CA12: variants seen among roughly 807,000 people sequenced by gnomAD.
CA12 encodes carbonic anhydrase 12, also known as carbonate dehydratase XII.
Under a neutral mutation model 46.8 loss-of-function variants are expected in CA12, and 36 were observed. The ratio of observed to expected loss-of-function variants is 0.77; its 90% CI spans 0.59 to 1.02. The LOEUF is 1.02. Among genes scored for constraint, CA12 ranks in the 50% least tolerant of loss-of-function variants. The probability of loss-of-function intolerance (pLI) is 0.00; values close to 1 mark genes in which losing one functional copy is unlikely to be tolerated. For synonymous variants in CA12, 202 were observed against 187.0 expected (o/e 1.08, Z -0.65); for missense variants, 436 against 451.4 (o/e 0.97, Z 0.31).
intron 2 of CA12, among the ~76,000 whole-genome samples, chr15:63,362,815 T>C (rs1487275699): frequency 6.6e-6 from 1 of 152,236 alleles, no homozygotes; most frequent in East Asian, 1.9e-4. Context: ...TCTTTTGCTT[T>C]TTCATAGTTC....
rs2039038989 is a variant in CA12, at chr15:63,338,890, C to A, written c.803G>T (p.Arg268Ile). 1 of 1,614,162 alleles carries A rather than the reference C, an allele frequency of 6.2e-7. No individual in the cohort carries two copies. Among genetic ancestry groups the A allele is most frequent in the Non-Finnish European group, 8.5e-7 (1 of 1,180,026 alleles). ...YCTHMDDPSP[R>I]EMINNFRQVQ... ...CTGCCGGAAGTTGTTGATCATTTCT[C>A]TGGGGGAAGGGTCGTCCATGTGTGT... Residue 268 changes from arginine to isoleucine, a missense_variant, in exon 8 of 11, where the codon AGA becomes ATA. By Grantham distance (97) the Arg-to-Ile change is moderately conservative. Transcript: ENST00000178638.
rs758539327 is a variant in CA12 at position 63,345,431 on chromosome 15, C to A, written c.429+46G>T. The stretch of plus-strand genomic sequence containing the variant: ...GCAGCCAGGTCGAGAAGGTGCCACA[C>A]CACCCACTGCAGAGCAGCCTCTGCC... On this transcript the variant is annotated intron_variant, in intron 4 of 10. Coordinates refer to ENST00000178638, the MANE Select transcript of CA12 (RefSeq NM_001218.5). This position sits in a 1 kb window ranked among gnomAD's most constrained non-coding sequence, Gnocchi z 4.3. 1 of 1,599,784 alleles carries A rather than the reference C, an allele frequency of 6.3e-7. No individual in the cohort carries two copies. Among genetic ancestry groups the A allele is most frequent in the South Asian group, 1.1e-5 (1 of 90,868 alleles).
At position 63,355,509 on chromosome 15, in the gene CA12, T is replaced by C. The variant is rs1000415306; in HGVS notation, c.107-8800A>G. ...TGGGGGTGGCGCCCAGCATCTGCCG[T>C]TGGACAAGGCTGCCAGGCGATGCTG... On this transcript the variant is annotated intron_variant, in intron 2 of 10. Transcript: ENST00000178638. This position sits in a 1 kb window ranked among gnomAD's most constrained non-coding sequence, Gnocchi z 4.1. Among the ~76,000 whole-genome samples the C allele has an allele frequency of 2.6e-5, 4 of 152,186 alleles. No homozygotes were observed. Among genetic ancestry groups the C allele is most frequent in the African/African-American group, 7.2e-5 (3 of 41,440 alleles).
Position 63,329,581 on chromosome 15 carries a change from G to A in CA12, c.875-1451C>T, listed in dbSNP as rs778973533. 6.6e-6 allele frequency among the ~76,000 whole-genome samples: 1 copy of A among 152,204 alleles called. No homozygotes were observed. The highest frequency in any genetic ancestry group is 1.5e-5 in the Non-Finnish European group (1 of 68,046). ...TCATCTCAATGGAAACTTCTAGCAT[G>A]TGTGTGTGTCTTGGAGGAAGAAGGG... On this transcript the variant is annotated intron_variant, in intron 8 of 10. Transcript: ENST00000178638. The surrounding 1 kb of genome is among the most constrained non-coding windows in gnomAD (Gnocchi z 4.8).
intron 3 of CA12, 125 bp downstream of exon 3, chr15:63,346,405 G>GC: frequency 2.6e-6 from 1 of 388,808 alleles, no homozygotes. Flanking sequence ...AGACACCCCC[G>GC]CCCCGCCCCA....
chr15:63,336,699 T>C (rs1198913539), intron 8 of CA12, among the ~76,000 whole-genome samples: 1 of 135,946 alleles, frequency 7.4e-6, no homozygotes, highest in East Asian at 2.3e-4. Flanking sequence ...TACCTGGCAT[T>C]TTGTGGCTGA....
At chr15:63,332,551 A>G (rs1248565259) in intron 8 of CA12, among the ~76,000 whole-genome samples, 1 of 152,208 alleles carries the variant, frequency 6.6e-6, no homozygotes, top group Non-Finnish European at 1.5e-5. Context: ...TGGGGAAAGA[A>G]TGGGTGGTGG....
In CA12 at chr15:63,345,567, G is replaced by A. The variant is rs2039136150; in HGVS notation, c.339C>T (p.Tyr113=). ...AGTGCAGGTGCAGCTGCGTGGCACT[G>A]TAGCGAGACTGGAGGCCCTGGATGT... ...DMHIQGLQSR[Y]SATQLHLHWG... is the part of the protein sequence containing the mutation. The change falls in exon 4 of 11, where the codon TAC becomes TAT. Residue 113 remains tyrosine, a synonymous_variant. Transcript: ENST00000178638. The surrounding 1 kb of genome is among the most constrained non-coding windows in gnomAD (Gnocchi z 4.3). The A allele has an allele frequency of 6.2e-7, 1 of 1,613,404 alleles. No individual in the cohort carries two copies. The highest frequency in any genetic ancestry group is 1.3e-5 in the African/African-American group (1 of 74,950).
intron 2 of CA12, among the ~76,000 whole-genome samples, chr15:63,367,736 T>C (rs1463424741): frequency 1.3e-5 from 2 of 152,222 alleles, no homozygotes; most frequent in South Asian, 2.1e-4. Flanking sequence ...TCTGAGTCAA[T>C]GTTTATAGAC....
At position 63,329,585 on chromosome 15, in the gene CA12, G is replaced by A. The variant is rs1033620746; in HGVS notation, c.875-1455C>T. Among the ~76,000 whole-genome samples the A allele has an allele frequency of 6.6e-6, 1 of 152,226 alleles. No homozygotes were observed. The highest frequency in any genetic ancestry group is 1.5e-5 in the Non-Finnish European group (1 of 68,044). ...CTCAATGGAAACTTCTAGCATGTGT[G>A]TGTGTCTTGGAGGAAGAAGGGGTAT... On this transcript the variant is annotated intron_variant, in intron 8 of 10. Transcript: ENST00000178638. This position sits in a 1 kb window ranked among gnomAD's most constrained non-coding sequence, Gnocchi z 4.8.
intron 4 of CA12, among the ~76,000 whole-genome samples, chr15:63,342,471 A>T (rs2039092300): frequency 1.3e-5 from 2 of 152,208 alleles, no homozygotes; most frequent in Non-Finnish European, 2.9e-5. Context: ...TCTGGGTTCC[A>T]ATAAGGGGTT....
At position 63,345,415 on chromosome 15, in the gene CA12, T is replaced by A; in HGVS notation, c.429+62A>T. 1 of 1,593,172 alleles carries A rather than the reference T, an allele frequency of 6.3e-7. No homozygotes were observed. Among genetic ancestry groups the A allele is most frequent in the Non-Finnish European group, 8.5e-7 (1 of 1,174,992 alleles). ...TGGTGTTATCTGCACAGCAGCCAGG[T>A]CGAGAAGGTGCCACACCACCCACTG... On this transcript the variant is annotated intron_variant, in intron 4 of 10. Transcript: ENST00000178638. This position sits in a 1 kb window ranked among gnomAD's most constrained non-coding sequence, Gnocchi z 4.3.
Position 63,341,908 on chromosome 15 carries a change from C to G in CA12, c.525+94G>C, listed in dbSNP as rs2039083662. The G allele has an allele frequency of 5.9e-6, 5 of 851,536 alleles. No homozygotes were observed. Among genetic ancestry groups the G allele is most frequent in the Non-Finnish European group, 9.9e-6 (5 of 504,684 alleles). 52.7% of individuals were successfully genotyped at this position (851,536 alleles called of 1,614,324 possible). A position where few individuals can be genotyped will look rare whatever the true frequency, so the allele number is the denominator to read the frequency against. Reference sequence around the variant, plus strand: ...TGACACGGAGTCGATACAGGAACAGCTGATTATCAACAGGTATGCATGGAA... The same window carrying G: ...TGACACGGAGTCGATACAGGAACAGGTGATTATCAACAGGTATGCATGGAA... On this transcript the variant is annotated intron_variant, in intron 5 of 10. Transcript: ENST00000178638. This position sits in a 1 kb window ranked among gnomAD's most constrained non-coding sequence, Gnocchi z 5.2.
intron 2 of CA12, among the ~76,000 whole-genome samples, chr15:63,366,472 C>T (rs572448978): frequency 1.4e-4 from 21 of 152,336 alleles, no homozygotes; most frequent in African/African-American, 4.1e-4. Flanking sequence ...TGTAAGGCCC[C>T]GCTTAATTGC....
chr15:63,333,580 T>C (rs1287335751), intron 8 of CA12, among the ~76,000 whole-genome samples: 1 of 152,230 alleles, frequency 6.6e-6, no homozygotes, highest in Non-Finnish European at 1.5e-5. Context: ...TTCTTTCAGC[T>C]AATAGCTTTT....
intron 8 of CA12, among the ~76,000 whole-genome samples, chr15:63,334,157 G>T (rs1355677881): frequency 6.7e-6 from 1 of 150,180 alleles, no homozygotes; most frequent in Non-Finnish European, 1.5e-5. Flanking sequence ...GCCTGAGGAC[G>T]TGTCCCCTCC....
In CA12 at chr15:63,338,821, T is replaced by G. The variant is rs1595778460; in HGVS notation, c.872A>C (p.Gln291Pro). ...CCCCCAGCACTGCCTCTCCTCACCT[T>G]GGGAGAAGGAGGTGTATACCAGCCT... ...DERLVYTSFSQVQVCTAAGLS... is the reference protein window; with the variant it reads ...DERLVYTSFSPVQVCTAAGLS... Residue 291 changes from glutamine to proline, a missense_variant and splice_region_variant, in exon 8 of 11, where the codon CAA (glutamine) becomes CCA (proline). Gln to Pro is a moderately conservative substitution (Grantham distance 76). Coordinates refer to ENST00000178638, the MANE Select transcript of CA12 (RefSeq NM_001218.5). 6.2e-7 allele frequency: 1 copy of G among 1,614,062 alleles called. No individual in the cohort carries two copies. The highest frequency in any genetic ancestry group is 1.1e-5 in the South Asian group (1 of 91,078).
chr15:63,381,572 GC>G, intron 1 of CA12, 63 bp downstream of exon 1: 1 of 1,315,106 alleles, frequency 7.6e-7, no homozygotes, highest in Non-Finnish European at 1.1e-6. Flanking sequence ...TCATTGAAGA[GC>G]CTTCAGCCCA....
chr15:63,338,815 T>A lies in CA12; in HGVS notation c.874+4A>T. 6.2e-7 allele frequency: 1 copy of A among 1,613,998 alleles called. No individual in the cohort carries two copies. Among genetic ancestry groups the A allele is most frequent in the Admixed American group, 1.7e-5 (1 of 60,016 alleles). ...CCCCTCCCCCCAGCACTGCCTCTCC[T>A]CACCTTGGGAGAAGGAGGTGTATAC... On this transcript the variant is annotated splice_donor_region_variant and intron_variant, in intron 8 of 10. Coordinates refer to ENST00000178638, the MANE Select transcript of CA12 (RefSeq NM_001218.5).
Sources: allele counts gnomAD v4.1 joint callset (sites outside exome capture counted in the v4.1 genomes callset), GRCh38; gene constraint gnomAD v4.1.1; non-coding constraint Gnocchi (gnomAD v3.1); transcripts MANE v1.5; gene names NCBI Gene and HGNC (gene_info 2026-07-23, HGNC 2026-07-21).